ADAMTS18: variants seen among roughly 807,000 people sequenced by gnomAD.
ADAMTS18 encodes the protein A disintegrin and metalloproteinase with thrombospondin motifs 18.
A neutral mutation model predicts 165.9 loss-of-function variants in ADAMTS18; 157 were observed. The observed-to-expected ratio is 0.95, with a 90% CI of 0.83 to 1.08. The LOEUF (loss-of-function observed/expected upper bound fraction) is 1.08. Ranked by LOEUF, ADAMTS18 falls within the 50% of genes least tolerant of loss-of-function variation. The pLI is 0.00. For missense variants in ADAMTS18, 2,040 were observed against 1,534.0 expected, an observed-to-expected ratio of 1.33 and a Z score of -5.51; for synonymous variants, 782 against 578.2, an observed-to-expected ratio of 1.35 and a Z score of -5.06.
intron 3 of ADAMTS18, among the ~76,000 whole-genome samples, chr16:77,419,518 C>G (rs1346182472): frequency 6.6e-6 from 1 of 152,164 alleles, no homozygotes; most frequent in Admixed American, 6.5e-5. Context: ...TTCTTCTCCT[C>G]TCTTTGACCT....
intron 16 of ADAMTS18, among the ~76,000 whole-genome samples, chr16:77,304,887 T>G (rs1370879364): frequency 1.3e-5 from 2 of 152,228 alleles, no homozygotes; most frequent in Non-Finnish European, 2.9e-5. Flanking sequence ...AACATATTAA[T>G]GCATTCAATG....
At chr16:77,379,392 G>C (rs192654452) in intron 3 of ADAMTS18, among the ~76,000 whole-genome samples, 2 of 152,342 alleles carry the variant, frequency 1.3e-5, no homozygotes, top group Admixed American at 6.5e-5. Flanking sequence ...CTATTGCTGG[G>C]AGAACTAAGC....
At chr16:77,369,147 T>C (rs1182930902) in intron 3 of ADAMTS18, among the ~76,000 whole-genome samples, 6 of 152,252 alleles carry the variant, frequency 3.9e-5, no homozygotes, top group Non-Finnish European at 7.3e-5. Flanking sequence ...CTATGCTTTA[T>C]TGATATCCTC....
In ADAMTS18 at chr16:77,414,080, G is replaced by T. The variant is rs148386170; in HGVS notation, c.495+17215C>A. On this transcript the variant is annotated intron_variant, in intron 3 of 22. Transcript: ENST00000282849. ...ATGGGTGCATATTAGCCAGAATTCTGCAGAGAAACAGAACCAACGTAAGTA... is the reference window on the plus strand; with the variant it reads ...ATGGGTGCATATTAGCCAGAATTCTTCAGAGAAACAGAACCAACGTAAGTA... Among the ~76,000 whole-genome samples the T allele has an allele frequency of 5.9e-3, 892 of 152,306 alleles. 6 individuals are homozygous for T. Among genetic ancestry groups the T allele is most frequent in the African/African-American group, 0.02 (837 of 41,560 alleles).
chr16:77,399,370 C>T (rs2057298058), intron 3 of ADAMTS18, among the ~76,000 whole-genome samples: 1 of 152,200 alleles, frequency 6.6e-6, no homozygotes, highest in Non-Finnish European at 1.5e-5. Context: ...CTCAATCCCC[C>T]AGAGTTAGAA....
intron 3 of ADAMTS18, among the ~76,000 whole-genome samples, chr16:77,410,642 C>T (rs918401527): frequency 1.3e-5 from 2 of 152,186 alleles, no homozygotes; most frequent in African/African-American, 2.4e-5. Flanking sequence ...TCTCGACCCC[C>T]CTACCATCTT....
chr16:77,372,188 C>T (rs576843248), intron 3 of ADAMTS18, among the ~76,000 whole-genome samples: 9 of 152,194 alleles, frequency 5.9e-5, no homozygotes, highest in Middle Eastern at 3.4e-3. Flanking sequence ...TTAGTATAGC[C>T]ATTATGGAAA....
chr16:77,334,705 C>A (rs1414041093), intron 12 of ADAMTS18, among the ~76,000 whole-genome samples: 1 of 103,120 alleles, frequency 9.7e-6, no homozygotes, highest in Admixed American at 1.2e-4. Flanking sequence ...TATATATATA[C>A]TGTATACTAT....
At chr16:77,411,649 C>A (rs2057464644) in intron 3 of ADAMTS18, among the ~76,000 whole-genome samples, 1 of 140,198 alleles carries the variant, frequency 7.1e-6, no homozygotes, top group South Asian at 2.4e-4. Context: ...TTTTATTTGT[C>A]AACTTGATGG....
intron 14 of ADAMTS18, 61 bp from the exon 15 acceptor site, chr16:77,321,263 A>T (rs2055993822): frequency 2.5e-6 from 4 of 1,603,690 alleles, no homozygotes; most frequent in Non-Finnish European, 3.4e-6. Context: ...GGCTGGGAAT[A>T]ATTAAGAGGT....
At chr16:77,350,234 T>C (rs923621355) in intron 10 of ADAMTS18, among the ~76,000 whole-genome samples, 1 of 152,062 alleles carries the variant, frequency 6.6e-6, no homozygotes, top group Non-Finnish European at 1.5e-5. Context: ...TCTTCAACAC[T>C]TTGGATGAGA....
chr16:77,426,851 C>T (rs1020067593), intron 3 of ADAMTS18, among the ~76,000 whole-genome samples: 14 of 152,056 alleles, frequency 9.2e-5, no homozygotes, highest in African/African-American at 3.1e-4. Flanking sequence ...GGCAAAACCT[C>T]GCCTCTACAA....
intron 3 of ADAMTS18, among the ~76,000 whole-genome samples, chr16:77,400,155 TG>T (rs1354319152): frequency 6.6e-6 from 1 of 152,174 alleles, no homozygotes; most frequent in Non-Finnish European, 1.5e-5. Context: ...AAGACCTCCA[TG>T]GTCTTATACC....
chr16:77,377,079 A>G (rs1206835034), intron 3 of ADAMTS18, among the ~76,000 whole-genome samples: 1 of 151,966 alleles, frequency 6.6e-6, no homozygotes, highest in African/African-American at 2.4e-5. Flanking sequence ...CCTCCCAAAG[A>G]TCTGGGATTA....
chr16:77,349,809 A>G (rs1012990605), intron 10 of ADAMTS18, among the ~76,000 whole-genome samples: 1 of 152,132 alleles, frequency 6.6e-6, no homozygotes, highest in African/African-American at 2.4e-5. Context: ...CTATCCTTCC[A>G]ATACAATGCT....
At chr16:77,330,168 T>C (rs777981443) in intron 12 of ADAMTS18, among the ~76,000 whole-genome samples, 5 of 152,188 alleles carry the variant, frequency 3.3e-5, no homozygotes, top group Admixed American at 6.6e-5. Flanking sequence ...ACCAATTAGA[T>C]TCAATTATTC....
At chr16:77,366,370 C>T (rs571767312) in intron 4 of ADAMTS18, among the ~76,000 whole-genome samples, 1 of 152,264 alleles carries the variant, frequency 6.6e-6, no homozygotes, top group Admixed American at 6.5e-5. Context: ...CCAGCCTGGC[C>T]AACACAGGGA....
intron 3 of ADAMTS18, among the ~76,000 whole-genome samples, chr16:77,382,462 G>A (rs937115400): frequency 9.2e-5 from 14 of 152,172 alleles, no homozygotes; most frequent in Non-Finnish European, 1.6e-4. Context: ...CGCCCCTCTC[G>A]GCCTCCCAAA....
intron 2 of ADAMTS18, 93 bp downstream of exon 2, chr16:77,434,325 G>C: frequency 7.1e-7 from 1 of 1,408,492 alleles, no homozygotes; most frequent in South Asian, 1.2e-5. Context: ...GCCAGGTTAG[G>C]GGGTGCGCTT....
Sources: gnomAD v4.1 joint callset for allele counts (sites outside exome capture counted in the v4.1 genomes callset) on GRCh38, gnomAD v4.1.1 for gene constraint, MANE v1.5 for transcripts, NCBI Gene and HGNC (gene_info 2026-07-23, HGNC 2026-07-21) for gene names.